The following TNNI3K variants were observed in gnomAD, a reference collection of about 807,000 sequenced individuals.
The protein encoded by TNNI3K is TNNI3 interacting kinase.
A neutral mutation model predicts 114.5 loss-of-function variants in TNNI3K; 140 were observed. That is an observed-to-expected ratio of 1.22 (90% CI 1.07 to 1.41). The LOEUF (loss-of-function observed/expected upper bound fraction) is 1.41, where lower values mean the gene tolerates loss of function less well. Among genes scored for constraint, TNNI3K ranks in the 40% most tolerant of loss-of-function variants. TNNI3K has a pLI of 0.00. For missense variants in TNNI3K, 1,125 were observed against 1,007.6 expected, an observed-to-expected ratio of 1.12 and a Z score of -1.58; for synonymous variants, 347 against 347.5, an observed-to-expected ratio of 1.00 and a Z score of 0.02.
intron 2 of TNNI3K, chr1:74,240,769 T>A (rs537751649): frequency 3.2e-4 from 49 of 152,088 alleles, no homozygotes; most frequent in African/African-American, 1.2e-3. Context: ...GTTATAATTT[T>A]TCTTTTTCTT....
chr1:74,315,492 G>A (rs971749420), intron 5 of TNNI3K, among the ~76,000 whole-genome samples: 3 of 151,778 alleles, frequency 2.0e-5, no homozygotes, highest in African/African-American at 7.3e-5. Context: ...TGGAGACTTG[G>A]TTTGGTAAAT....
intron 17 of TNNI3K, among the ~76,000 whole-genome samples, chr1:74,399,440 A>G (rs759021113): frequency 6.6e-6 from 1 of 152,168 alleles, no homozygotes; most frequent in Non-Finnish European, 1.5e-5. Flanking sequence ...TCTTGAGTTC[A>G]TGGTTCACCA....
intron 21 of TNNI3K, among the ~76,000 whole-genome samples, chr1:74,474,439 T>C (rs1668090439): frequency 6.6e-6 from 1 of 152,062 alleles, no homozygotes; most frequent in Admixed American, 6.6e-5. Flanking sequence ...TAACATATGG[T>C]TTTATTCTTA....
chr1:74,418,686 C>T (rs1462098939), intron 17 of TNNI3K, among the ~76,000 whole-genome samples: 1 of 151,858 alleles, frequency 6.6e-6, no homozygotes, highest in Non-Finnish European at 1.5e-5. Flanking sequence ...ACTAACGACT[C>T]AATTTCCATC....
intron 21 of TNNI3K, chr1:74,470,082 A>G (rs970583561): frequency 7.5e-6 from 3 of 400,592 alleles, no homozygotes; most frequent in Non-Finnish European, 1.3e-5. Context: ...TATGTGCACT[A>G]TCTTTATCTG....
chr1:74,413,491 T>G (rs1391449092), intron 17 of TNNI3K, among the ~76,000 whole-genome samples: 1 of 152,180 alleles, frequency 6.6e-6, no homozygotes, highest in African/African-American at 2.4e-5. Flanking sequence ...TGTTCCTAAA[T>G]TTTAAGAATA....
intron 3 of TNNI3K, among the ~76,000 whole-genome samples, 178 bp downstream of exon 3, chr1:74,249,722 T>C (rs907164544): frequency 1.3e-5 from 2 of 152,214 alleles, no homozygotes; most frequent in East Asian, 3.8e-4. Context: ...AATATTCCAA[T>C]TGATTTAGCT....
intron 23 of TNNI3K, among the ~76,000 whole-genome samples, chr1:74,517,607 A>G (rs1196030306): frequency 1.3e-5 from 2 of 152,222 alleles, no homozygotes; most frequent in Admixed American, 6.5e-5. Context: ...AGCATTATGT[A>G]TAATCTGCTA....
At chr1:74,335,399 T>C (rs1002202168) in intron 6 of TNNI3K, among the ~76,000 whole-genome samples, 1 of 152,218 alleles carries the variant, frequency 6.6e-6, no homozygotes, top group African/African-American at 2.4e-5. Flanking sequence ...TAGGCAAAGC[T>C]ATCATTTCAA....
At chr1:74,301,907 A>T (rs753398431) in intron 5 of TNNI3K, among the ~76,000 whole-genome samples, 9 of 152,224 alleles carry the variant, frequency 5.9e-5, no homozygotes, top group Non-Finnish European at 8.8e-5. Context: ...GACTATGTGG[A>T]GGAGAGCCAA....
At chr1:74,336,850 C>A (rs904815366) in intron 7 of TNNI3K, among the ~76,000 whole-genome samples, 4 of 152,078 alleles carry the variant, frequency 2.6e-5, no homozygotes, top group African/African-American at 9.7e-5. Flanking sequence ...ATTTATAGTC[C>A]TTTGGGTATA....
chr1:74,401,256 C>A (rs1024171185), intron 17 of TNNI3K, among the ~76,000 whole-genome samples: 16 of 152,276 alleles, frequency 1.1e-4, no homozygotes, highest in Middle Eastern at 3.4e-3. Context: ...TTTTCTAGGT[C>A]ATGCAATTCT....
intron 21 of TNNI3K, among the ~76,000 whole-genome samples, chr1:74,467,845 G>A (rs1667743212): frequency 1.3e-5 from 2 of 152,208 alleles, no homozygotes; most frequent in Middle Eastern, 3.4e-3. Context: ...TCTCTCAGAT[G>A]GAGCCTGAAA....
intron 21 of TNNI3K, chr1:74,464,866 A>C: frequency 7.3e-7 from 1 of 1,371,780 alleles, no homozygotes; most frequent in Non-Finnish European, 9.4e-7. Context: ...CTGCTATAAC[A>C]CTAACATCTA....
chr1:74,467,228 G>A (rs1435200187), intron 21 of TNNI3K, among the ~76,000 whole-genome samples: 1 of 152,100 alleles, frequency 6.6e-6, no homozygotes, highest in East Asian at 1.9e-4. Context: ...GCCATGGAGA[G>A]GTTAAATCTC....
Position 74,399,357 on chromosome 1 carries a change from G to C in TNNI3K, c.1772+28965G>C, listed in dbSNP as rs535457963. ...GTGGAAACCAAAGACCAATTTTTAA[G>C]AAATTATATACTGGACCTATCCTCC... On this transcript the variant is annotated intron_variant, in intron 17 of 24. Transcript: ENST00000326637. Among the ~76,000 whole-genome samples the C allele has an allele frequency of 2.0e-5, 3 of 152,158 alleles. No individual in the cohort carries two copies. The East Asian group carries it at 5.8e-4, about 29-fold the overall frequency.
At chr1:74,259,470 C>T (rs1039571937) in intron 4 of TNNI3K, among the ~76,000 whole-genome samples, 6 of 152,146 alleles carry the variant, frequency 3.9e-5, no homozygotes, top group African/African-American at 1.4e-4. Context: ...TGAGGGTGAT[C>T]TTCTTTTTCA....
At chr1:74,403,220 C>A (rs567147628) in intron 17 of TNNI3K, among the ~76,000 whole-genome samples, 3 of 152,194 alleles carry the variant, frequency 2.0e-5, no homozygotes, top group African/African-American at 7.2e-5. Flanking sequence ...ATCATAGCCC[C>A]TTAATTCTTC....
intron 4 of TNNI3K, among the ~76,000 whole-genome samples, chr1:74,254,029 C>T (rs2100855506): frequency 6.6e-6 from 1 of 152,310 alleles, no homozygotes; most frequent in South Asian, 2.1e-4. Flanking sequence ...GGCTCCAGTT[C>T]CCTTCCCCCA....
Sources: allele counts gnomAD v4.1 joint callset (sites outside exome capture counted in the v4.1 genomes callset), GRCh38; gene constraint gnomAD v4.1.1; transcripts MANE v1.5; gene names NCBI Gene and HGNC (gene_info 2026-07-23, HGNC 2026-07-21).